Variants in GPATCH11 observed in about 807,000 individuals in gnomAD.
GPATCH11 encodes G-patch domain containing 11, also known as G patch domain-containing protein 11.
In GPATCH11, 32 loss-of-function variants were observed where a neutral mutation model predicts 44.8. The observed-to-expected ratio is 0.71, with a 90% CI of 0.54 to 0.96. The LOEUF (loss-of-function observed/expected upper bound fraction) is 0.96, where lower values mean the gene tolerates loss of function less well. Ranked by LOEUF, GPATCH11 falls within the 40% of genes least tolerant of loss-of-function variation. GPATCH11 has a pLI of 0.00. For synonymous variants in GPATCH11, 84 were observed against 94.4 expected, an observed-to-expected ratio of 0.89 and a Z score of 0.64; for missense variants, 324 against 303.1, an observed-to-expected ratio of 1.07 and a Z score of -0.51.
intron 1 of GPATCH11, among the ~76,000 whole-genome samples, chr2:37,086,692 G>A (rs992985737): frequency 1.3e-5 from 2 of 152,130 alleles, no homozygotes; most frequent in Middle Eastern, 3.2e-3. Flanking sequence ...CCAGCTACTC[G>A]GGAGGCTGAG....
chr2:37,098,521 TAGAC>T lies in GPATCH11; in HGVS notation c.*2261_*2264del, dbSNP rs1447995697. 1 of 152,134 alleles carries T rather than the reference TAGAC, an allele frequency of 6.6e-6. No homozygotes were observed. The highest frequency in any genetic ancestry group is 2.4e-5 in the African/African-American group (1 of 41,432). 9.4% of individuals were successfully genotyped at this position (152,134 alleles called of 1,614,324 possible). A position where few individuals can be genotyped will look rare whatever the true frequency, so the allele number is the denominator to read the frequency against. ...TGGATAATTTCAGATGGAATGGAGT[TAGAC>T]AGGAACTGGCTTCCCTTTCTCCTGT... is the stretch of plus-strand genomic sequence containing the variant. On this transcript the variant is annotated 3_prime_UTR_variant, in exon 9 of 9. Coordinates refer to ENST00000674370, the MANE Select transcript of GPATCH11 (RefSeq NM_174931.4).
chr2:37,098,791 G>A lies in GPATCH11; in HGVS notation c.*2528G>A, dbSNP rs1345519249. 5.3e-5 allele frequency: 8 copies of A among 152,200 alleles called. No individual in the cohort carries two copies. Among genetic ancestry groups the A allele is most frequent in the Non-Finnish European group, 1.0e-4 (7 of 68,034 alleles). The allele number at this position is 152,200 out of a possible 1,614,324, so 9.4% of individuals were successfully genotyped here. ...GCCGGGTGCAGTGGTGCATGCCTTT[G>A]GTCCCAGCTACTCAGGGGGCTGAGA... On this transcript the variant is annotated 3_prime_UTR_variant, in exon 9 of 9. Coordinates refer to ENST00000674370, the MANE Select transcript of GPATCH11 (RefSeq NM_174931.4).
chr2:37,089,879 T>C lies in GPATCH11; in HGVS notation c.286+13T>C. On this transcript the variant is annotated intron_variant, in intron 3 of 8. Transcript: ENST00000674370. ...CTTGGCAAGAGTGGTAAGTCACATG[T>C]GGAAATAAACAGGTATTCCTTACCA... The C allele has an allele frequency of 6.5e-7, 1 of 1,530,856 alleles. No individual in the cohort carries two copies. The highest frequency in any genetic ancestry group is 8.9e-7 in the Non-Finnish European group (1 of 1,128,926). The allele number at this position is 1,530,856 out of a possible 1,614,324, so 94.8% of individuals were successfully genotyped here.
In GPATCH11 at chr2:37,092,147, A is replaced by G. The variant is rs372946346; in HGVS notation, c.450-18A>G. The G allele has an allele frequency of 1.6e-4, 244 of 1,545,890 alleles. No individual in the cohort carries two copies. Among genetic ancestry groups the G allele is most frequent in the Non-Finnish European group, 1.8e-4 (207 of 1,148,630 alleles). Reference sequence around the variant, plus strand: ...AGATAACGTAGACCTTTAGTTTACAATTTTTTCTTTCAATTAGAATGCGAC... The same window carrying G: ...AGATAACGTAGACCTTTAGTTTACAGTTTTTTCTTTCAATTAGAATGCGAC... On this transcript the variant is annotated intron_variant, in intron 5 of 8. Coordinates refer to ENST00000674370, the MANE Select transcript of GPATCH11 (RefSeq NM_174931.4).
At position 37,098,365 on chromosome 2, in the gene GPATCH11, TATATAGAGAG is replaced by T. The variant is rs1673696735; in HGVS notation, c.*2104_*2113del. 1 of 138,296 alleles carries T rather than the reference TATATAGAGAG, an allele frequency of 7.2e-6. No individual in the cohort carries two copies. Among genetic ancestry groups the T allele is most frequent in the Non-Finnish European group, 1.6e-5 (1 of 63,422 alleles). 8.6% of individuals were successfully genotyped at this position (138,296 alleles called of 1,614,324 possible). On this transcript the variant is annotated 3_prime_UTR_variant, in exon 9 of 9. Coordinates refer to ENST00000674370, the MANE Select transcript of GPATCH11 (RefSeq NM_174931.4). ...ATATATATGTATGTATATATATATA[TATATAGAGAG>T]AGAGAGAGAGAGAGAGCTATTAATA...
At chr2:37,085,576 G>C (rs943017118) in intron 1 of GPATCH11, among the ~76,000 whole-genome samples, 2 of 152,118 alleles carry the variant, frequency 1.3e-5, no homozygotes, top group Non-Finnish European at 2.9e-5. Context: ...AAACTATCGA[G>C]AAAATGAAGG....
chr2:37,092,219 A>C lies in GPATCH11; in HGVS notation c.504A>C (p.Arg168Ser), dbSNP rs200209016. 1.2e-4 allele frequency: 179 copies of C among 1,541,256 alleles called. 1 individual carries two copies. Among genetic ancestry groups the C allele is most frequent in the East Asian group, 2.3e-5 (1 of 42,874 alleles). ...DEMKLEGDLRRSQRACQQLDV... is the reference protein window; with the variant it reads ...DEMKLEGDLRSSQRACQQLDV... ...TGAAGCTAGAAGGAGATCTCAGAAGAAGCCAGCGAGCCTGTCAACAACTGG... is the reference window on the plus strand; with the variant it reads ...TGAAGCTAGAAGGAGATCTCAGAAGCAGCCAGCGAGCCTGTCAACAACTGG... Residue 168 changes from arginine (R) to serine (S), a missense_variant, in exon 6 of 9, where the codon AGA becomes AGC. By Grantham distance (110) the Arg-to-Ser change is moderately radical. Transcript: ENST00000674370.
intron 2 of GPATCH11, among the ~76,000 whole-genome samples, chr2:37,089,299 G>A (rs1558396426): frequency 6.6e-6 from 1 of 152,176 alleles, no homozygotes; most frequent in Non-Finnish European, 1.5e-5. Flanking sequence ...AGGCGTGGAA[G>A]CTCACGCCTG....
intron 6 of GPATCH11, among the ~76,000 whole-genome samples, chr2:37,092,723 A>G (rs1673394811): frequency 6.6e-6 from 1 of 152,002 alleles, no homozygotes; most frequent in Non-Finnish European, 1.5e-5. Context: ...TTTACATTTA[A>G]TTGTTCTCTG....
chr2:37,085,412 G>C (rs1348939849), intron 1 of GPATCH11, among the ~76,000 whole-genome samples: 1 of 152,204 alleles, frequency 6.6e-6, no homozygotes, highest in Non-Finnish European at 1.5e-5. Flanking sequence ...AAACCATTAT[G>C]TGTAAAAATG....
intron 6 of GPATCH11, among the ~76,000 whole-genome samples, chr2:37,092,933 C>G (rs1309661010): frequency 2.6e-5 from 4 of 152,032 alleles, no homozygotes; most frequent in Non-Finnish European, 5.9e-5. Context: ...ATTATTTCAG[C>G]CCAGGAGTTC....
intron 1 of GPATCH11, among the ~76,000 whole-genome samples, chr2:37,085,654 G>A (rs1408954000): frequency 6.6e-6 from 1 of 152,194 alleles, no homozygotes. Context: ...AACTGGATAG[G>A]GGACAAAGAG....
At position 37,088,381 on chromosome 2, in the gene GPATCH11, T is replaced by C. The variant is rs766672738; in HGVS notation, c.-1T>C. 4 of 1,535,300 alleles carry C rather than the reference T, an allele frequency of 2.6e-6. No individual in the cohort carries two copies. The highest frequency in any genetic ancestry group is 1.2e-5 in the South Asian group (1 of 83,992). On this transcript the variant is annotated 5_prime_UTR_variant, in exon 2 of 9. Coordinates refer to ENST00000674370, the MANE Select transcript of GPATCH11 (RefSeq NM_174931.4). ...ACTTTATTTGTAGATACTATAGCCA[T>C]ATGAAGTTGAACATGGCAGAAGAAG...
At chr2:37,094,250 C>CAACTCAAAGTGCTAA in intron 7 of GPATCH11, 55 bp downstream of exon 7, 3 of 1,084,342 alleles carry the variant, frequency 2.8e-6, no homozygotes, top group Non-Finnish European at 4.1e-6. Flanking sequence ...AACATTAGCA[C>CAACTCAAAGTGCTAA]TTTGAGTTGT....
chr2:37,086,236 T>C (rs1673037336), intron 1 of GPATCH11, among the ~76,000 whole-genome samples: 1 of 152,202 alleles, frequency 6.6e-6, no homozygotes, highest in Non-Finnish European at 1.5e-5. Flanking sequence ...TACAAGAATG[T>C]TTGACTCACA....
chr2:37,089,807 A>G lies in GPATCH11; in HGVS notation c.227A>G (p.Lys76Arg). 1 of 1,551,874 alleles carries G rather than the reference A, an allele frequency of 6.4e-7. No homozygotes were observed. The highest frequency in any genetic ancestry group is 8.7e-7 in the Non-Finnish European group (1 of 1,147,022). ...AAGAATGCACTAGGCTGTGAAAACAAAGGGTTTGCCTTGCTCCAAAAGATG... is the reference window on the plus strand; with the variant it reads ...AAGAATGCACTAGGCTGTGAAAACAGAGGGTTTGCCTTGCTCCAAAAGATG... ...GLKNALGCENKGFALLQKMGY... is the reference protein window; with the variant it reads ...GLKNALGCENRGFALLQKMGY... The change falls in exon 3 of 9, where the codon AAA (lysine) becomes AGA (arginine). Residue 76 changes from lysine (K) to arginine (R), a missense_variant. By Grantham distance (26) the Lys-to-Arg change is conservative. Coordinates refer to ENST00000674370, the MANE Select transcript of GPATCH11 (RefSeq NM_174931.4).
intron 1 of GPATCH11, among the ~76,000 whole-genome samples, chr2:37,087,027 C>G (rs895293604): frequency 6.6e-6 from 1 of 152,168 alleles, no homozygotes; most frequent in Non-Finnish European, 1.5e-5. Flanking sequence ...ATTCTTCAGA[C>G]AAGATCCCTT....
In GPATCH11 at chr2:37,090,739, G is replaced by C. The variant is rs997837460; in HGVS notation, c.328+17G>C. The C allele has an allele frequency of 8.0e-7, 1 of 1,253,344 alleles. No individual in the cohort carries two copies. 77.6% of individuals were successfully genotyped at this position (1,253,344 alleles called of 1,614,324 possible). A position where few individuals can be genotyped will look rare whatever the true frequency, so the allele number is the denominator to read the frequency against. ...TCAAAACAGGTACGTAATTATTTTG[G>C]AGCATATTTGCCAATAATAATAACT... On this transcript the variant is annotated intron_variant, in intron 4 of 8. Coordinates refer to ENST00000674370, the MANE Select transcript of GPATCH11 (RefSeq NM_174931.4).
chr2:37,085,444 CTG>C (rs1672964812), intron 1 of GPATCH11, among the ~76,000 whole-genome samples: 1 of 152,116 alleles, frequency 6.6e-6, no homozygotes, highest in South Asian at 2.1e-4. Context: ...AATGAAGAAT[CTG>C]AGGTTTAGAG....
Sources: allele counts gnomAD v4.1 joint callset (sites outside exome capture counted in the v4.1 genomes callset), GRCh38; gene constraint gnomAD v4.1.1; transcripts MANE v1.5; gene names NCBI Gene and HGNC (gene_info 2026-07-23, HGNC 2026-07-21).